Variants in CCDC69 observed in about 807,000 individuals in gnomAD.
CCDC69 encodes coiled-coil domain containing 69.
CCDC69 carries 38 observed loss-of-function variants against 40.3 expected under a neutral mutation model. The observed-to-expected ratio is 0.94, with a 90% CI of 0.73 to 1.24. The LOEUF is 1.24. Ranked by LOEUF, CCDC69 falls within the 50% of genes most tolerant of loss-of-function variation. The pLI, the probability that CCDC69 is intolerant of heterozygous loss-of-function variation, is 0.00. For missense variants in CCDC69, 389 were observed against 357.9 expected (o/e 1.09, Z -0.70); for synonymous variants, 141 against 138.9 (o/e 1.02, Z -0.11).
intron 4 of CCDC69, 140 bp downstream of exon 4, chr5:151,198,857 G>A: frequency 1.4e-6 from 1 of 703,562 alleles, no homozygotes; most frequent in South Asian, 1.6e-5. Context: ...TAGGGCCAAG[G>A]ATCCTGTAGA....
intron 1 of CCDC69, among the ~76,000 whole-genome samples, chr5:151,221,518 A>G (rs1349390429): frequency 1.3e-5 from 2 of 152,134 alleles, no homozygotes; most frequent in Admixed American, 6.5e-5. Context: ...TCAAATATCT[A>G]CTTAAGCACC....
At chr5:151,207,819 T>A (rs1003654631) in intron 1 of CCDC69, among the ~76,000 whole-genome samples, 2 of 151,420 alleles carry the variant, frequency 1.3e-5, no homozygotes, top group Non-Finnish European at 2.9e-5. Context: ...GTAAAAAAAA[T>A]TTAAGCCCTT....
chr5:151,205,323 G>A (rs2113996264), intron 2 of CCDC69, 77 bp downstream of exon 2: 2 of 1,114,680 alleles, frequency 1.8e-6, no homozygotes, highest in South Asian at 2.5e-5. Context: ...TATTTCAGCA[G>A]CTGTATCATC....
At position 151,185,453 on chromosome 5, in the gene CCDC69, A is replaced by C; in HGVS notation, c.584T>G (p.Leu195Arg). Residue 195 changes from leucine to arginine, a missense_variant, in exon 7 of 9, where the codon CTG becomes CGG. Coordinates refer to ENST00000355417, the MANE Select transcript of CCDC69 (RefSeq NM_015621.3). ...IEMKNERIHE[L>R]DRRLILMETV... is the part of the protein sequence containing the mutation. ...TTCCATGAGGATCAGCCGCCTGTCCAGCTCATGAATACGCTCATTCTTCAT... is the reference window on the plus strand; with the variant it reads ...TTCCATGAGGATCAGCCGCCTGTCCCGCTCATGAATACGCTCATTCTTCAT... The C allele has an allele frequency of 6.2e-7, 1 of 1,614,092 alleles. No individual in the cohort carries two copies. The highest frequency in any genetic ancestry group is 1.1e-5 in the South Asian group (1 of 91,084).
Position 151,182,928 on chromosome 5 carries a change from GA to G in CCDC69, c.*508del. 2 of 408,166 alleles carry G rather than the reference GA, an allele frequency of 4.9e-6. No homozygotes were observed. The highest frequency in any genetic ancestry group is 9.9e-6 in the Non-Finnish European group (2 of 201,082). The allele number at this position is 408,166 out of a possible 1,614,324, so 25.3% of individuals were successfully genotyped here. On this transcript the variant is annotated 3_prime_UTR_variant, in exon 9 of 9. Transcript: ENST00000355417. The stretch of plus-strand genomic sequence containing the variant: ...CTACTCTGGCCTTCAGACAATCCTA[GA>G]ATGGGACACTGCAGTGACATAAGAG...
intron 1 of CCDC69, among the ~76,000 whole-genome samples, chr5:151,221,037 C>A (rs1157047770): frequency 6.6e-6 from 1 of 152,156 alleles, no homozygotes; most frequent in South Asian, 2.1e-4. Context: ...CACCCACCCC[C>A]AGCCTGCCAG....
intron 1 of CCDC69, among the ~76,000 whole-genome samples, chr5:151,217,147 T>C (rs571505134): frequency 4.1e-4 from 63 of 152,356 alleles, no homozygotes; most frequent in Admixed American, 7.2e-4. Flanking sequence ...TTACACAGTC[T>C]ATGCACCTAA....
Position 151,223,913 on chromosome 5 carries a change from C to A in CCDC69, c.48+10G>T. ...CTCTGAAAGCAAACTTCTCCGCCGG[C>A]GCCCTTTACCTTTTTCGGGGGTTTG... On this transcript the variant is annotated intron_variant, in intron 1 of 8. Coordinates refer to ENST00000355417, the MANE Select transcript of CCDC69 (RefSeq NM_015621.3). 1.3e-6 allele frequency: 2 copies of A among 1,587,806 alleles called. No individual in the cohort carries two copies. The highest frequency in any genetic ancestry group is 1.7e-6 in the Non-Finnish European group (2 of 1,168,862).
chr5:151,199,003 G>C lies in CCDC69; in HGVS notation c.313C>G (p.Leu105Val). ...GGAACATCTCTACCCTTACCTTGCA[G>C]GGCCTCTTCATTCTTTCCTTCCAGG... ...RVLEGKNEEA[L>V]QVLRASYEQE... The change falls in exon 4 of 9, where the codon CTG (leucine) becomes GTG (valine). Residue 105 changes from leucine (L) to valine (V), a missense_variant. Transcript: ENST00000355417. The C allele has an allele frequency of 6.2e-7, 1 of 1,613,634 alleles. No individual in the cohort carries two copies. The highest frequency in any genetic ancestry group is 2.2e-5 in the East Asian group (1 of 44,886).
intron 1 of CCDC69, among the ~76,000 whole-genome samples, chr5:151,217,546 G>C (rs1390247350): frequency 2.0e-5 from 3 of 152,240 alleles, no homozygotes; most frequent in African/African-American, 7.2e-5. Context: ...AGTTAGAAGT[G>C]TAAATTCAAG....
At chr5:151,200,669 A>G (rs1348285563) in intron 3 of CCDC69, among the ~76,000 whole-genome samples, 1 of 152,210 alleles carries the variant, frequency 6.6e-6, no homozygotes, top group Non-Finnish European at 1.5e-5. Flanking sequence ...GGTTACATTC[A>G]GTCATCCCAT....
chr5:151,202,941 A>C (rs761501012), intron 2 of CCDC69, among the ~76,000 whole-genome samples: 5 of 152,168 alleles, frequency 3.3e-5, no homozygotes, highest in Non-Finnish European at 5.9e-5. Flanking sequence ...TAAAAGCAGG[A>C]TAGGAGGACT....
chr5:151,208,262 A>G (rs1445519095), intron 1 of CCDC69, among the ~76,000 whole-genome samples: 4 of 152,192 alleles, frequency 2.6e-5, no homozygotes, highest in African/African-American at 9.6e-5. Context: ...AAAAACAAAC[A>G]AACAAAAACA....
chr5:151,223,904 C>G lies in CCDC69; in HGVS notation c.48+19G>C, dbSNP rs781748841. 1.3e-5 allele frequency: 20 copies of G among 1,589,656 alleles called. No homozygotes were observed. The highest frequency in any genetic ancestry group is 1.5e-5 in the Non-Finnish European group (17 of 1,169,746). On this transcript the variant is annotated intron_variant, in intron 1 of 8. Coordinates refer to ENST00000355417, the MANE Select transcript of CCDC69 (RefSeq NM_015621.3). ...TCCCCTCTCCTCTGAAAGCAAACTT[C>G]TCCGCCGGCGCCCTTTACCTTTTTC... is the stretch of plus-strand genomic sequence containing the variant.
chr5:151,205,987 T>C (rs1381476295), intron 1 of CCDC69, among the ~76,000 whole-genome samples: 1 of 152,130 alleles, frequency 6.6e-6, no homozygotes, highest in African/African-American at 2.4e-5. Flanking sequence ...GCTCTCCCCA[T>C]CAGTGCTGCA....
rs578183257 is a variant in CCDC69 at position 151,224,037 on chromosome 5, G to C, written c.-67C>G. 1 of 1,374,460 alleles carries C rather than the reference G, an allele frequency of 7.3e-7. No homozygotes were observed. Among genetic ancestry groups the C allele is most frequent in the African/African-American group, 1.5e-5 (1 of 65,000 alleles). 85.1% of individuals were successfully genotyped at this position (1,374,460 alleles called of 1,614,324 possible). On this transcript the variant is annotated 5_prime_UTR_variant, in exon 1 of 9. Coordinates refer to ENST00000355417, the MANE Select transcript of CCDC69 (RefSeq NM_015621.3). The stretch of plus-strand genomic sequence containing the variant: ...GCCCCCAGAGGAGCCTGCGATCCGG[G>C]CCCCGCTGCCCGCTCCGCGCCCGCC...
chr5:151,190,055 C>A lies in CCDC69; in HGVS notation c.320-2596G>T, dbSNP rs116131457. On this transcript the variant is annotated intron_variant, in intron 4 of 8. Transcript: ENST00000355417. ...TCTCAGATGAAGGACACTTAGAATT[C>A]ATCACCAGCAAACCTGCTCTAAAAG... is the stretch of plus-strand genomic sequence containing the variant. Among the ~76,000 whole-genome samples, 1,459 of 152,276 alleles carry A rather than the reference C, an allele frequency of 9.6e-3. 23 individuals are homozygous for A. The highest frequency in any genetic ancestry group is 0.034 in the African/African-American group (1,398 of 41,564).
intron 7 of CCDC69, 25 bp downstream of exon 7, chr5:151,185,397 C>T: frequency 1.9e-6 from 3 of 1,611,884 alleles, no homozygotes; most frequent in Non-Finnish European, 2.5e-6. Flanking sequence ...GAGGCTGCAT[C>T]CCCCAGCCAC....
At chr5:151,201,435 G>A (rs531633158) in intron 3 of CCDC69, 147 bp downstream of exon 3, 1 of 568,930 alleles carries the variant, frequency 1.8e-6, no homozygotes, top group South Asian at 2.2e-5. Flanking sequence ...AAAAATATGT[G>A]TTCAACAGAT....
Sources: gnomAD v4.1 joint callset for allele counts (sites outside exome capture counted in the v4.1 genomes callset) on GRCh38, gnomAD v4.1.1 for gene constraint, MANE v1.5 for transcripts, NCBI Gene and HGNC (gene_info 2026-07-23, HGNC 2026-07-21) for gene names.